Variants in ERGIC2 observed in about 807,000 individuals in gnomAD.
ERGIC2 encodes the protein endoplasmic reticulum-Golgi intermediate compartment protein 2.
Under a neutral mutation model 52.5 loss-of-function variants are expected in ERGIC2, and 31 were observed. The observed-to-expected ratio is 0.59, with a 90% CI of 0.44 to 0.80. The LOEUF (loss-of-function observed/expected upper bound fraction) is 0.80, where lower values mean the gene tolerates loss of function less well. ERGIC2 is among the 30% of genes least tolerant of loss of function. ERGIC2 has a pLI of 0.00. For synonymous variants in ERGIC2, 129 were observed against 140.6 expected, an observed-to-expected ratio of 0.92 and a Z score of 0.58; for missense variants, 395 against 455.2, an observed-to-expected ratio of 0.87 and a Z score of 1.20.
chr12:29,345,914 T>C (rs192777700), intron 10 of ERGIC2, among the ~76,000 whole-genome samples: 1 of 152,160 alleles, frequency 6.6e-6, no homozygotes, highest in African/African-American at 2.4e-5. Context: ...GCTACTGCAC[T>C]CCAGCCTGGG....
chr12:29,376,502 C>A (rs532635433), intron 1 of ERGIC2, among the ~76,000 whole-genome samples: 2 of 152,174 alleles, frequency 1.3e-5, no homozygotes, highest in Non-Finnish European at 2.9e-5. Context: ...AGCTTAACAG[C>A]GCTTCTCCTC....
rs113183673 is a variant in ERGIC2, at chr12:29,353,039, T to C, written c.573-2971A>G. Among the ~76,000 whole-genome samples, 1,038 of 152,324 alleles carry C rather than the reference T, an allele frequency of 6.8e-3. 13 individuals are homozygous for C. Among genetic ancestry groups the C allele is most frequent in the African/African-American group, 0.024 (985 of 41,576 alleles). On this transcript the variant is annotated intron_variant, in intron 8 of 13. Coordinates refer to ENST00000360150, the MANE Select transcript of ERGIC2 (RefSeq NM_016570.3). ...ATAACCAATTAACTGTCTGTTACCA[T>C]TGTCAAGTTTCAGAATATGCCCTAG...
intron 10 of ERGIC2, among the ~76,000 whole-genome samples, chr12:29,347,894 A>T (rs1382479609): frequency 6.6e-6 from 1 of 152,216 alleles, no homozygotes; most frequent in Non-Finnish European, 1.5e-5. Flanking sequence ...AAAGAAGTAC[A>T]CTTAAAAACA....
intron 5 of ERGIC2, among the ~76,000 whole-genome samples, chr12:29,364,210 T>G (rs2136870642): frequency 6.6e-6 from 1 of 152,244 alleles, no homozygotes; most frequent in African/African-American, 2.4e-5. Context: ...GCAGTCATGC[T>G]AGAATCCATA....
intron 1 of ERGIC2, among the ~76,000 whole-genome samples, chr12:29,380,214 T>C (rs1430254770): frequency 6.6e-6 from 1 of 152,180 alleles, no homozygotes; most frequent in East Asian, 1.9e-4. Context: ...TAAATAACCA[T>C]GTCTTTTTTC....
At chr12:29,372,012 A>G (rs1463417510) in intron 1 of ERGIC2, among the ~76,000 whole-genome samples, 1 of 152,212 alleles carries the variant, frequency 6.6e-6, no homozygotes, top group Non-Finnish European at 1.5e-5. Flanking sequence ...ATAATGAATG[A>G]CAGTGAAGTA....
chr12:29,377,578 C>T (rs1940531602), intron 1 of ERGIC2, among the ~76,000 whole-genome samples: 1 of 152,162 alleles, frequency 6.6e-6, no homozygotes, highest in Non-Finnish European at 1.5e-5. Context: ...AGTAGGCATG[C>T]AATTTTTCCT....
intron 1 of ERGIC2, among the ~76,000 whole-genome samples, chr12:29,377,638 C>T (rs1049834947): frequency 5.9e-5 from 9 of 152,060 alleles, no homozygotes; most frequent in African/African-American, 2.2e-4. Context: ...ATGCAGAATC[C>T]ACAGATATGG....
intron 1 of ERGIC2, among the ~76,000 whole-genome samples, chr12:29,373,956 C>A (rs996375045): frequency 6.6e-6 from 1 of 152,128 alleles, no homozygotes; most frequent in Non-Finnish European, 1.5e-5. Context: ...AGTAACTGCA[C>A]AAAAACTGAC....
rs774613681 is a variant in ERGIC2 at position 29,368,242 on chromosome 12, T to C, written c.261A>G (p.Gln87=). The change falls in exon 4 of 14, where the codon CAA becomes CAG. Residue 87 remains glutamine (Q), a splice_region_variant and synonymous_variant. Transcript: ENST00000360150. ...NIDITVAMKC[Q]YVGADVLDLA... ...TCAGCAAGTTGAAGGTGTACTTACA[T>C]TGACACTTCATGGCAACAGTAATAT... 86 of 1,569,284 alleles carry C rather than the reference T, an allele frequency of 5.5e-5. No homozygotes were observed. Among genetic ancestry groups the C allele is most frequent in the Middle Eastern group, 3.4e-4 (2 of 5,962 alleles).
chr12:29,357,628 T>C lies in ERGIC2; in HGVS notation c.471A>G (p.Pro157=). ...ATTTAAAATACAGATCTCACCTTGG[T>C]GGAAGAGCTGTTGATGTACTTTTAA... The part of the protein sequence containing the change: ...SAFKSTSTAL[P]PREDDSSQSP... The change falls in exon 7 of 14, where the codon CCA becomes CCG. Residue 157 remains proline (P), a synonymous_variant. Coordinates refer to ENST00000360150, the MANE Select transcript of ERGIC2 (RefSeq NM_016570.3). 6.6e-7 allele frequency: 1 copy of C among 1,518,696 alleles called. No homozygotes were observed. The highest frequency in any genetic ancestry group is 1.4e-5 in the African/African-American group (1 of 73,034). The allele number at this position is 1,518,696 out of a possible 1,614,324, so 94.1% of individuals were successfully genotyped here.
At chr12:29,341,300 T>C (rs1292804629) in intron 13 of ERGIC2, 82 bp from the exon 14 acceptor site, 1 of 1,115,378 alleles carries the variant, frequency 9.0e-7, no homozygotes, top group African/African-American at 1.6e-5. Flanking sequence ...AGGTTTTATT[T>C]TGGGCAATCC....
chr12:29,360,767 A>G (rs1388562462), intron 6 of ERGIC2, among the ~76,000 whole-genome samples: 1 of 151,604 alleles, frequency 6.6e-6, no homozygotes, highest in Non-Finnish European at 1.5e-5. Context: ...AGTCAGTGGC[A>G]TTAGTTTACA....
At chr12:29,365,149 T>C (rs1241154849) in intron 5 of ERGIC2, among the ~76,000 whole-genome samples, 1 of 152,078 alleles carries the variant, frequency 6.6e-6, no homozygotes, top group Non-Finnish European at 1.5e-5. Context: ...AAAAGACACA[T>C]GCACTCTGAT....
chr12:29,349,386 T>A (rs994832893), intron 9 of ERGIC2, among the ~76,000 whole-genome samples: 5 of 151,882 alleles, frequency 3.3e-5, no homozygotes, highest in African/African-American at 1.2e-4. Flanking sequence ...TCTGACAAAA[T>A]GCTATATCTC....
At chr12:29,358,120 A>G (rs948491538) in intron 6 of ERGIC2, among the ~76,000 whole-genome samples, 4 of 152,210 alleles carry the variant, frequency 2.6e-5, no homozygotes, top group Non-Finnish European at 5.9e-5. Flanking sequence ...GGGGCTACAC[A>G]ATGGACTTGA....
chr12:29,378,172 T>C (rs899408582), intron 1 of ERGIC2, among the ~76,000 whole-genome samples: 7 of 152,162 alleles, frequency 4.6e-5, no homozygotes, highest in Admixed American at 1.3e-4. Flanking sequence ...AAGAAGGCCA[T>C]GTGAAGACAC....
In ERGIC2 at chr12:29,374,291, C is replaced by T. The variant is rs890320604; in HGVS notation, c.-37-2621G>A. Among the ~76,000 whole-genome samples the T allele has an allele frequency of 2.1e-4, 32 of 152,110 alleles. 1 individual carries two copies. The highest frequency in any genetic ancestry group is 3.7e-4 in the Non-Finnish European group (25 of 68,008). Reference sequence around the variant, plus strand: ...ACTGCTTATCACTTCTTTTTCTTCTCGAAACATTCTCTTACCTTGACTTAA... The same window carrying T: ...ACTGCTTATCACTTCTTTTTCTTCTTGAAACATTCTCTTACCTTGACTTAA... On this transcript the variant is annotated intron_variant, in intron 1 of 13. Coordinates refer to ENST00000360150, the MANE Select transcript of ERGIC2 (RefSeq NM_016570.3).
rs1304561459 is a variant in ERGIC2, at chr12:29,341,754, A to T, written c.1051T>A (p.Ser351Thr). 1 of 1,594,188 alleles carries T rather than the reference A, an allele frequency of 6.3e-7. No homozygotes were observed. The highest frequency in any genetic ancestry group is 8.6e-7 in the Non-Finnish European group (1 of 1,161,962). The change falls in exon 13 of 14, where the codon TCC becomes ACC. Residue 351 changes from serine to threonine, a missense_variant. Physicochemically the swap from Ser to Thr is moderately conservative, Grantham distance 58 (BLOSUM62 1). Coordinates refer to ENST00000360150, the MANE Select transcript of ERGIC2 (RefSeq NM_016570.3). The part of the protein sequence containing the change: ...EIICCRFRLG[S>T]YKPVNSVPFE... ...CTTACAGAATTGACAGGTTTATAGG[A>T]TCCAAGTCTGAAACGACAGCAAATT...
Sources: allele counts gnomAD v4.1 joint callset (sites outside exome capture counted in the v4.1 genomes callset), GRCh38; gene constraint gnomAD v4.1.1; transcripts MANE v1.5; gene names NCBI Gene and HGNC (gene_info 2026-07-23, HGNC 2026-07-21).